The following KCNK2 variants were observed in gnomAD, a reference collection of about 807,000 sequenced individuals.
KCNK2 encodes the protein potassium channel subfamily K member 2.
In KCNK2, 21 loss-of-function variants were observed where a neutral mutation model predicts 40.5. The ratio of observed to expected loss-of-function variants is 0.52; its 90% CI spans 0.37 to 0.75. The LOEUF (loss-of-function observed/expected upper bound fraction) is 0.75, where lower values mean the gene tolerates loss of function less well. Among genes scored for constraint, KCNK2 ranks in the 30% least tolerant of loss-of-function variants. The probability of loss-of-function intolerance (pLI) is 0.00; values close to 1 mark genes in which losing one functional copy is unlikely to be tolerated. For missense variants in KCNK2, 399 were observed against 531.6 expected (o/e 0.75, Z 2.45); for synonymous variants, 191 against 202.2 (o/e 0.94, Z 0.47).
intron 2 of KCNK2, among the ~76,000 whole-genome samples, chr1:215,111,627 G>T (rs968086912): frequency 6.6e-6 from 1 of 151,908 alleles, no homozygotes; most frequent in Non-Finnish European, 1.5e-5. Context: ...TATGTCTCTT[G>T]TTGACATTCT....
intron 2 of KCNK2, among the ~76,000 whole-genome samples, chr1:215,097,996 T>C (rs556218088): frequency 6.6e-6 from 1 of 152,142 alleles, no homozygotes; most frequent in South Asian, 2.1e-4. Context: ...GGGAATTGGA[T>C]GATACGATCA....
intron 6 of KCNK2, among the ~76,000 whole-genome samples, chr1:215,209,064 C>G (rs28522724): frequency 6.6e-6 from 1 of 150,902 alleles, no homozygotes. Context: ...TGACCTCAAG[C>G]GATCCACCTG....
intron 1 of KCNK2, among the ~76,000 whole-genome samples, chr1:215,012,097 A>G (rs569263938): frequency 1.6e-4 from 25 of 152,274 alleles, no homozygotes; most frequent in Non-Finnish European, 3.7e-4. Context: ...ATTAGGAACA[A>G]TGCTGCTCTT....
chr1:215,156,370 A>G lies in KCNK2; in HGVS notation c.476-12829A>G, dbSNP rs571592669. On this transcript the variant is annotated intron_variant, in intron 3 of 6. Coordinates refer to ENST00000444842, the MANE Select transcript of KCNK2 (RefSeq NM_001017425.3). ...GCTGTCCATGAAGGCCTTCCTTGAA[A>G]GTGATGTGAAAAAGAAATACTAACT... Among the ~76,000 whole-genome samples the G allele has an allele frequency of 1.9e-4, 29 of 152,258 alleles. No individual in the cohort carries two copies. In the East Asian group the frequency reaches 5.6e-3, roughly 29 times the overall value.
In KCNK2 at chr1:215,074,641, T is replaced by A. The variant is rs1013595115; in HGVS notation, c.35-11727T>A. Among the ~76,000 whole-genome samples the A allele has an allele frequency of 2.0e-5, 3 of 152,234 alleles. No individual in the cohort carries two copies. The East Asian group carries it at 5.8e-4, about 29-fold the overall frequency. ...GAAACACTGAGAATGCTGTAGTTCC[T>A]TCTGGATTTATGGCTGATTCTTTTA... On this transcript the variant is annotated intron_variant, in intron 1 of 6. Coordinates refer to the KCNK2 transcript ENST00000391895.
chr1:215,078,220 G>A (rs569824871), upstream of KCNK2, among the ~76,000 whole-genome samples: 13 of 152,298 alleles, frequency 8.5e-5, no homozygotes, highest in South Asian at 6.2e-4. Flanking sequence ...CCTGCAGGCC[G>A]CAGGCTGGAC....
intron 5 of KCNK2, among the ~76,000 whole-genome samples, chr1:215,193,483 T>G (rs1348361787): frequency 6.6e-6 from 1 of 152,070 alleles, no homozygotes; most frequent in Non-Finnish European, 1.5e-5. Context: ...AGTTACAATA[T>G]CTTTGGTCTT....
chr1:215,074,098 A>G (rs1404225734), intron 1 of KCNK2, among the ~76,000 whole-genome samples: 2 of 152,136 alleles, frequency 1.3e-5, no homozygotes, highest in Admixed American at 1.3e-4. Context: ...TGCCTTGATC[A>G]CTTTGTACAA....
At chr1:215,183,010 G>A (rs1664288503) in intron 5 of KCNK2, among the ~76,000 whole-genome samples, 1 of 152,164 alleles carries the variant, frequency 6.6e-6, no homozygotes, top group Non-Finnish European at 1.5e-5. Flanking sequence ...TCAGCCAGAT[G>A]CTGTCATGGG....
chr1:215,107,418 A>G (rs1462685793), intron 2 of KCNK2, among the ~76,000 whole-genome samples: 1 of 151,978 alleles, frequency 6.6e-6, no homozygotes, highest in Non-Finnish European at 1.5e-5. Flanking sequence ...TTTTTGAGGA[A>G]CTTCCATACT....
At chr1:215,150,720 T>A (rs1662651005) in intron 3 of KCNK2, among the ~76,000 whole-genome samples, 1 of 152,080 alleles carries the variant, frequency 6.6e-6, no homozygotes, top group South Asian at 2.1e-4. Context: ...ATTCAGCTAT[T>A]TTACTAAGCT....
Position 215,235,067 on chromosome 1 carries a change from G to C in KCNK2, c.1203G>C (p.Lys401Asn). 1 of 1,613,772 alleles carries C rather than the reference G, an allele frequency of 6.2e-7. No homozygotes were observed. The highest frequency in any genetic ancestry group is 8.5e-7 in the Non-Finnish European group (1 of 1,179,742). Residue 401 changes from lysine (K) to asparagine (N), a missense_variant, in exon 7 of 7, where the codon AAG becomes AAC. By Grantham distance (94) the Lys-to-Asn change is moderately conservative. Transcript: ENST00000444842. ...GGGATGTCTTGCCTCCCTTACTGAA[G>C]ACTGAGAGTATCTATCTGAATGGTT... ...SERDVLPPLL[K>N]TESIYLNGLT...
intron 6 of KCNK2, among the ~76,000 whole-genome samples, chr1:215,221,096 G>A (rs1018235503): frequency 6.6e-5 from 10 of 152,192 alleles, no homozygotes; most frequent in South Asian, 2.1e-4. Context: ...TTGGCTGGGC[G>A]CAGTGGCTCA....
chr1:215,130,873 AT>A (rs938924679), intron 3 of KCNK2, among the ~76,000 whole-genome samples: 4 of 145,028 alleles, frequency 2.8e-5, no homozygotes, highest in African/African-American at 8.5e-5. Flanking sequence ...TTATTTATTT[AT>A]TTTTGAGACG....
intron 2 of KCNK2, among the ~76,000 whole-genome samples, chr1:215,100,008 C>T (rs1660140955): frequency 6.6e-6 from 1 of 151,866 alleles, no homozygotes; most frequent in African/African-American, 2.4e-5. Context: ...TTTCTTTGGA[C>T]GTCATGTGGT....
intron 5 of KCNK2, among the ~76,000 whole-genome samples, chr1:215,176,249 T>C (rs952112201): frequency 6.6e-6 from 1 of 152,198 alleles, no homozygotes; most frequent in African/African-American, 2.4e-5. Flanking sequence ...TGATTAGTGA[T>C]GTGGGGCATT....
intron 6 of KCNK2, among the ~76,000 whole-genome samples, chr1:215,202,029 G>A (rs181943795): frequency 5.3e-5 from 8 of 152,144 alleles, no homozygotes; most frequent in African/African-American, 1.9e-4. Context: ...TGTTGTTATT[G>A]TTCTCTTACT....
At chr1:215,089,356 A>G (rs1334662777) in intron 2 of KCNK2, among the ~76,000 whole-genome samples, 1 of 152,152 alleles carries the variant, frequency 6.6e-6, no homozygotes, top group African/African-American at 2.4e-5. Context: ...AGTAGTTAGC[A>G]TTTCAGTTCT....
intron 3 of KCNK2, among the ~76,000 whole-genome samples, chr1:215,135,529 A>T (rs1661867339): frequency 6.6e-6 from 1 of 151,694 alleles, no homozygotes; most frequent in Admixed American, 6.6e-5. Context: ...AATAAAATTG[A>T]TTGTTTCTTA....
Sources: allele counts gnomAD v4.1 joint callset (sites outside exome capture counted in the v4.1 genomes callset), GRCh38; gene constraint gnomAD v4.1.1; transcripts MANE v1.5; gene names NCBI Gene and HGNC (gene_info 2026-07-23, HGNC 2026-07-21).